The following FOXN4 variants were observed in gnomAD, a reference collection of about 807,000 sequenced individuals.
The protein encoded by FOXN4 is forkhead box protein N4.
A neutral mutation model predicts 45.0 loss-of-function variants in FOXN4; 12 were observed. The ratio of observed to expected loss-of-function variants is 0.27; its 90% CI spans 0.17 to 0.43. The LOEUF is 0.43. Ranked by LOEUF, FOXN4 falls within the 20% of genes least tolerant of loss-of-function variation. The pLI, the probability that FOXN4 is intolerant of heterozygous loss-of-function variation, is 1.00. For synonymous variants in FOXN4, 297 were observed against 295.0 expected (o/e 1.01, Z -0.07); for missense variants, 560 against 694.9 (o/e 0.81, Z 2.18).
chr12:109,282,317 G>A (rs888877659), intron 8 of FOXN4, among the ~76,000 whole-genome samples: 1 of 152,126 alleles, frequency 6.6e-6, no homozygotes, highest in Non-Finnish European at 1.5e-5. Flanking sequence ...GCTTGGTGGT[G>A]TGTGCCTGTA....
At chr12:109,297,066 C>G (rs1054287974) in intron 2 of FOXN4, among the ~76,000 whole-genome samples, 8 of 152,342 alleles carry the variant, frequency 5.3e-5, no homozygotes, top group Admixed American at 2.6e-4. Context: ...AGATCCACCT[C>G]CAGAGACTGG....
chr12:109,306,133 C>T (rs1247744466), intron 2 of FOXN4, among the ~76,000 whole-genome samples: 1 of 152,180 alleles, frequency 6.6e-6, no homozygotes, highest in East Asian at 1.9e-4. Context: ...CTCCCCACTT[C>T]CCACCGTGAG....
At position 109,279,342 on chromosome 12, in the gene FOXN4, G is replaced by A. The variant is rs760774359; in HGVS notation, c.*329C>T. On this transcript the variant is annotated 3_prime_UTR_variant, in exon 10 of 10. Coordinates refer to ENST00000299162, the MANE Select transcript of FOXN4 (RefSeq NM_213596.3). ...GGTCACGCAGCCAGGATCCAGGATG[G>A]AGAAGTCTCACTCAACACGGGCAGG... 1.8e-5 allele frequency: 7 copies of A among 392,160 alleles called. No individual in the cohort carries two copies. The highest frequency in any genetic ancestry group is 3.3e-5 in the Non-Finnish European group (7 of 209,244). 24.3% of individuals were successfully genotyped at this position (392,160 alleles called of 1,614,324 possible).
intron 9 of FOXN4, among the ~76,000 whole-genome samples, chr12:109,281,113 T>C (rs545904518): frequency 6.6e-6 from 1 of 152,326 alleles, no homozygotes; most frequent in Non-Finnish European, 1.5e-5. Context: ...GCTCATTCCC[T>C]GTTGGCTGCC....
intron 2 of FOXN4, among the ~76,000 whole-genome samples, chr12:109,307,381 C>A (rs188361803): frequency 6.6e-6 from 1 of 152,300 alleles, no homozygotes; most frequent in East Asian, 1.9e-4. Context: ...CGGGGGAGCC[C>A]TGGAAACGAG....
intron 6 of FOXN4, 30 bp from the exon 7 acceptor site, chr12:109,286,774 CAGGGCAGG>C: frequency 6.3e-7 from 1 of 1,579,964 alleles, no homozygotes; most frequent in Non-Finnish European, 8.5e-7. Context: ...CAGGGCAGGG[CAGGGCAGG>C]ACAGGGCAGG....
At position 109,285,337 on chromosome 12, in the gene FOXN4, G is replaced by C. The variant is rs1248519622; in HGVS notation, c.868C>G (p.Leu290Val). ...EEMHKWKRKD[L>V]AAIHRSMANP... ...GCCATACTCCGGTGGATGGCAGCCA[G>C]GTCCTTCCTCTTCCACTTGTGCATC... The change falls in exon 8 of 10, where the codon CTG becomes GTG. Residue 290 changes from leucine (L) to valine (V), a missense_variant. This residue lies in a region of FOXN4 where 315 missense variants were observed against 350.5 expected (regional missense o/e 0.90). Transcript: ENST00000299162. The C allele has an allele frequency of 3.7e-6, 6 of 1,612,998 alleles. No homozygotes were observed. In the Admixed American group the frequency reaches 6.7e-5, roughly 18 times the overall value.
chr12:109,290,583 C>A lies in FOXN4; in HGVS notation c.87-297G>T, dbSNP rs1426165342. On this transcript the variant is annotated intron_variant, in intron 2 of 9. Transcript: ENST00000299162. The surrounding 1 kb of genome is among the most constrained non-coding windows in gnomAD (Gnocchi z 5.1). ...TGAGGACTTGACCAGTGCCAGACAC[C>A]GATCAAGCCTTTTTACACTCCCAGT... Among the ~76,000 whole-genome samples the A allele has an allele frequency of 6.6e-6, 1 of 152,296 alleles. No individual in the cohort carries two copies. Among genetic ancestry groups the A allele is most frequent in the Admixed American group, 6.5e-5 (1 of 15,302 alleles).
chr12:109,293,893 G>A (rs905613735), intron 2 of FOXN4, among the ~76,000 whole-genome samples: 1 of 152,176 alleles, frequency 6.6e-6, no homozygotes, highest in Non-Finnish European at 1.5e-5. Context: ...ACCTCCTCAG[G>A]TCCTTGCCAC....
Position 109,286,755 on chromosome 12 carries a change from G to T in FOXN4, c.597-11C>A. ...ATGGCGATCAGACAGCTGGGGGCAG[G>T]AGGTGGGGCAGGGCAGGGCAGGGCA... On this transcript the variant is annotated splice_polypyrimidine_tract_variant and intron_variant, in intron 6 of 9. Coordinates refer to ENST00000299162, the MANE Select transcript of FOXN4 (RefSeq NM_213596.3). 1 of 1,601,582 alleles carries T rather than the reference G, an allele frequency of 6.2e-7. No individual in the cohort carries two copies. Among genetic ancestry groups the T allele is most frequent in the Non-Finnish European group, 8.5e-7 (1 of 1,179,096 alleles).
chr12:109,291,091 T>A lies in FOXN4; in HGVS notation c.87-805A>T, dbSNP rs937084878. Among the ~76,000 whole-genome samples the A allele has an allele frequency of 5.3e-5, 8 of 151,828 alleles. No individual in the cohort carries two copies. Among genetic ancestry groups the A allele is most frequent in the Admixed American group, 5.3e-4 (8 of 15,238 alleles). ...AGCCCTTCAACTCGACCCCTGGTGGTCCCAAGAGGCTCCAGTTAGGACCCA... is the reference window on the plus strand; with the variant it reads ...AGCCCTTCAACTCGACCCCTGGTGGACCCAAGAGGCTCCAGTTAGGACCCA... On this transcript the variant is annotated intron_variant, in intron 2 of 9. Transcript: ENST00000299162. This position sits in a 1 kb window ranked among gnomAD's most constrained non-coding sequence, Gnocchi z 6.6.
At position 109,288,002 on chromosome 12, in the gene FOXN4, C is replaced by T; in HGVS notation, c.358-48G>A. The T allele has an allele frequency of 6.5e-7, 1 of 1,549,572 alleles. No homozygotes were observed. The highest frequency in any genetic ancestry group is 2.4e-5 in the East Asian group (1 of 40,910). ...GACAGAGGGTCACGGTGGGGGTAGA[C>T]ACCCAGTCTGGAGGGCACTACCCGC... On this transcript the variant is annotated intron_variant, in intron 4 of 9. Transcript: ENST00000299162. This position sits in a 1 kb window ranked among gnomAD's most constrained non-coding sequence, Gnocchi z 4.3.
chr12:109,296,240 A>G (rs2047815731), intron 2 of FOXN4, among the ~76,000 whole-genome samples: 1 of 152,106 alleles, frequency 6.6e-6, no homozygotes, highest in Non-Finnish European at 1.5e-5. Context: ...GTTCCTGCGC[A>G]CCCAGCGCTG....
chr12:109,286,241 C>A (rs2047709141), intron 7 of FOXN4, among the ~76,000 whole-genome samples: 1 of 152,174 alleles, frequency 6.6e-6, no homozygotes, highest in Admixed American at 6.5e-5. Context: ...CTGGAAGCTG[C>A]CAGGCCCTTT....
At chr12:109,302,377 G>C (rs578075297) in intron 2 of FOXN4, among the ~76,000 whole-genome samples, 3 of 152,318 alleles carry the variant, frequency 2.0e-5, no homozygotes, top group African/African-American at 7.2e-5. Flanking sequence ...CTGAAGTCCA[G>C]AGACCACAAT....
Position 109,288,708 on chromosome 12 carries a change from T to C in FOXN4, c.233-528A>G, listed in dbSNP as rs1338233253. ...GAGAATGGCAGACATACTTCCCCCATCTTGTGCTGGGCTTGTGACAGACAT... is the reference window on the plus strand; with the variant it reads ...GAGAATGGCAGACATACTTCCCCCACCTTGTGCTGGGCTTGTGACAGACAT... On this transcript the variant is annotated intron_variant, in intron 3 of 9. Transcript: ENST00000299162. The surrounding 1 kb of genome is among the most constrained non-coding windows in gnomAD (Gnocchi z 4.3). Among the ~76,000 whole-genome samples, 1 of 152,164 alleles carries C rather than the reference T, an allele frequency of 6.6e-6. No homozygotes were observed. Among genetic ancestry groups the C allele is most frequent in the African/African-American group, 2.4e-5 (1 of 41,440 alleles).
intron 7 of FOXN4, among the ~76,000 whole-genome samples, chr12:109,285,749 A>G (rs2047703852): frequency 6.6e-6 from 1 of 152,168 alleles, no homozygotes; most frequent in Non-Finnish European, 1.5e-5. Flanking sequence ...CTGTTACTAT[A>G]GGAGGATGCA....
At chr12:109,284,799 T>C (rs917445813) in intron 8 of FOXN4, among the ~76,000 whole-genome samples, 1 of 144,176 alleles carries the variant, frequency 6.9e-6, no homozygotes, top group African/African-American at 2.6e-5. Flanking sequence ...GCGCACATGC[T>C]GTGGGCTATC....
At chr12:109,284,256 C>T (rs1224644625) in intron 8 of FOXN4, among the ~76,000 whole-genome samples, 1 of 152,198 alleles carries the variant, frequency 6.6e-6, no homozygotes, top group Non-Finnish European at 1.5e-5. Context: ...TGTTTTTGAT[C>T]AGGCCCCTCT....
Sources: allele counts gnomAD v4.1 joint callset (sites outside exome capture counted in the v4.1 genomes callset), GRCh38; gene constraint gnomAD v4.1.1; regional missense constraint gnomAD v4.1.1; non-coding constraint Gnocchi (gnomAD v3.1); transcripts MANE v1.5; gene names NCBI Gene and HGNC (gene_info 2026-07-23, HGNC 2026-07-21).